The following ARHGAP31 variants were observed in gnomAD, a reference collection of about 807,000 sequenced individuals.
The protein encoded by ARHGAP31 is Rho GTPase activating protein 31.
A neutral mutation model predicts 113.9 loss-of-function variants in ARHGAP31; 34 were observed. The ratio of observed to expected loss-of-function variants is 0.30; its 90% CI spans 0.23 to 0.40. The LOEUF (loss-of-function observed/expected upper bound fraction) is 0.40. Ranked by LOEUF, ARHGAP31 falls within the 10% of genes least tolerant of loss-of-function variation. ARHGAP31 has a pLI of 1.00. For missense variants in ARHGAP31, 1,548 were observed against 1,767.1 expected (o/e 0.88, Z 2.22); for synonymous variants, 650 against 684.8 (o/e 0.95, Z 0.79).
At chr3:119,334,968 T>C (rs1261868407) in intron 1 of ARHGAP31, among the ~76,000 whole-genome samples, 2 of 152,082 alleles carry the variant, frequency 1.3e-5, no homozygotes, top group African/African-American at 4.8e-5. Context: ...TCAATAGAAA[T>C]GAAACCCTTC....
intron 1 of ARHGAP31, among the ~76,000 whole-genome samples, chr3:119,306,208 A>G (rs1354796213): frequency 6.6e-6 from 1 of 152,180 alleles, no homozygotes; most frequent in Non-Finnish European, 1.5e-5. Context: ...TACTAGAGAT[A>G]CTCTTCAAAT....
chr3:119,383,084 G>C lies in ARHGAP31; in HGVS notation c.540G>C (p.Arg180Ser), dbSNP rs1451368293. Residue 180 changes from arginine (R) to serine (S), a missense_variant and splice_region_variant, in exon 6 of 12, where the codon AGG becomes AGC. Transcript: ENST00000264245. ...LALVWAPNLL[R>S]SKEIEATGCN... is the part of the protein sequence containing the mutation. ...TGAATATGTTTCTTCCACACGGTAG[G>C]TCTAAAGAAATTGAAGCCACTGGTT... is the stretch of plus-strand genomic sequence containing the variant. 6.2e-7 allele frequency: 1 copy of C among 1,614,138 alleles called. No homozygotes were observed. Among genetic ancestry groups the C allele is most frequent in the East Asian group, 2.2e-5 (1 of 44,892 alleles).
intron 6 of ARHGAP31, among the ~76,000 whole-genome samples, chr3:119,389,739 A>G (rs1416815675): frequency 6.6e-6 from 1 of 152,234 alleles, no homozygotes; most frequent in Admixed American, 6.5e-5. Context: ...TCCTCCACCA[A>G]AAGTAATTTC....
intron 1 of ARHGAP31, among the ~76,000 whole-genome samples, chr3:119,362,820 C>T (rs1053318604): frequency 1.1e-4 from 17 of 150,054 alleles, no homozygotes; most frequent in Non-Finnish European, 1.9e-4. Flanking sequence ...TTGACCTGTA[C>T]GAGGTTGGTC....
At chr3:119,312,114 T>C (rs1333439550) in intron 1 of ARHGAP31, among the ~76,000 whole-genome samples, 1 of 152,226 alleles carries the variant, frequency 6.6e-6, no homozygotes, top group Non-Finnish European at 1.5e-5. Context: ...AATGTGTCCA[T>C]TTAAATTCCA....
At position 119,416,342 on chromosome 3, in the gene ARHGAP31, A is replaced by G; in HGVS notation, c.*78A>G. ...TTACAGGGCCAGCTTGCCATATTCCAGGCACACGTTATCAAGTTTGGGCCT... is the reference window on the plus strand; with the variant it reads ...TTACAGGGCCAGCTTGCCATATTCCGGGCACACGTTATCAAGTTTGGGCCT... On this transcript the variant is annotated 3_prime_UTR_variant, in exon 12 of 12. Transcript: ENST00000264245. 6.3e-7 allele frequency: 1 copy of G among 1,595,212 alleles called. No homozygotes were observed. The highest frequency in any genetic ancestry group is 8.5e-7 in the Non-Finnish European group (1 of 1,175,374).
At chr3:119,302,509 A>G (rs1245524660) in intron 1 of ARHGAP31, among the ~76,000 whole-genome samples, 2 of 152,154 alleles carry the variant, frequency 1.3e-5, no homozygotes, top group African/African-American at 2.4e-5. Context: ...GTCCCACATC[A>G]GGCCTTGTTG....
chr3:119,324,145 T>C (rs570981431), intron 1 of ARHGAP31, among the ~76,000 whole-genome samples: 1 of 152,340 alleles, frequency 6.6e-6, no homozygotes, highest in East Asian at 1.9e-4. Flanking sequence ...CTAGGCAAGA[T>C]TATTACAGTA....
chr3:119,381,878 G>C (rs1050668371), intron 4 of ARHGAP31, among the ~76,000 whole-genome samples: 37 of 152,160 alleles, frequency 2.4e-4, no homozygotes, highest in African/African-American at 8.7e-4. Context: ...TCCAGCTAGT[G>C]GGGAGGATGA....
At chr3:119,373,679 G>T (rs549391294) in intron 3 of ARHGAP31, among the ~76,000 whole-genome samples, 22 of 152,086 alleles carry the variant, frequency 1.4e-4, no homozygotes, top group Non-Finnish European at 3.1e-4. Context: ...GACCAGGCTG[G>T]TCTCAAACTC....
At chr3:119,304,532 CT>C (rs2079613103) in intron 1 of ARHGAP31, among the ~76,000 whole-genome samples, 2 of 152,066 alleles carry the variant, frequency 1.3e-5, no homozygotes, top group Admixed American at 1.3e-4. Flanking sequence ...GAAGAAGGGG[CT>C]TAAAATCTGG....
chr3:119,354,185 G>C (rs1169241869), intron 1 of ARHGAP31, among the ~76,000 whole-genome samples: 1 of 152,218 alleles, frequency 6.6e-6, no homozygotes, highest in Non-Finnish European at 1.5e-5. Flanking sequence ...CAGGCCAGCA[G>C]GTTGGGCAAA....
chr3:119,329,894 G>A, intron 1 of ARHGAP31: 1 of 985,484 alleles, frequency 1.0e-6, no homozygotes, highest in Non-Finnish European at 1.2e-6. Context: ...CTGGTGCTGA[G>A]AAACCTGGTA....
Position 119,402,417 on chromosome 3 carries a change from T to C in ARHGAP31, c.1645+20T>C, listed in dbSNP as rs369717710. 6 of 1,604,372 alleles carry C rather than the reference T, an allele frequency of 3.7e-6. No homozygotes were observed. Among genetic ancestry groups the C allele is most frequent in the Non-Finnish European group, 4.3e-6 (5 of 1,172,576 alleles). ...CTGCAGGTAAGTAGAGGAGAGAGGG[T>C]ATCTTTCCGTTGCAAGAGAGAAAAA... On this transcript the variant is annotated intron_variant, in intron 10 of 11. Coordinates refer to ENST00000264245, the MANE Select transcript of ARHGAP31 (RefSeq NM_020754.4).
intron 7 of ARHGAP31, among the ~76,000 whole-genome samples, chr3:119,391,273 A>T (rs2080501823): frequency 6.6e-6 from 1 of 152,168 alleles, no homozygotes. Context: ...GTCATGACTG[A>T]AATTCCTGTC....
intron 1 of ARHGAP31, among the ~76,000 whole-genome samples, chr3:119,352,531 C>G (rs2080118902): frequency 6.6e-6 from 1 of 152,198 alleles, no homozygotes; most frequent in Non-Finnish European, 1.5e-5. Flanking sequence ...GAGGTTGTCC[C>G]TTCTGACCCT....
At chr3:119,382,548 A>AT (rs1202053968) in intron 5 of ARHGAP31, 149 bp downstream of exon 5, 1 of 739,148 alleles carries the variant, frequency 1.4e-6, no homozygotes, top group African/African-American at 1.8e-5. Flanking sequence ...ATTAAAGGTG[A>AT]TTTAGGTGAT....
chr3:119,389,370 A>G (rs2080483692), intron 6 of ARHGAP31, among the ~76,000 whole-genome samples: 1 of 152,154 alleles, frequency 6.6e-6, no homozygotes, highest in African/African-American at 2.4e-5. Flanking sequence ...ATTTTTATGT[A>G]TTTTTAAGCA....
chr3:119,413,773 G>T (rs548227740), intron 11 of ARHGAP31, 83 bp from the exon 12 acceptor site: 1 of 1,595,676 alleles, frequency 6.3e-7, no homozygotes, highest in South Asian at 1.1e-5. Flanking sequence ...GGTGCTGTCA[G>T]TCCCTTCCCT....
Sources: allele counts gnomAD v4.1 joint callset (sites outside exome capture counted in the v4.1 genomes callset), GRCh38; gene constraint gnomAD v4.1.1; transcripts MANE v1.5; gene names NCBI Gene and HGNC (gene_info 2026-07-23, HGNC 2026-07-21).